The following DCC variants were observed in gnomAD, a reference collection of about 807,000 sequenced individuals.
The protein encoded by DCC is DCC netrin 1 receptor, also known as netrin receptor DCC.
Under a neutral mutation model 172.5 loss-of-function variants are expected in DCC, and 58 were observed. That is an observed-to-expected ratio of 0.34 (90% CI 0.27 to 0.42). The LOEUF (loss-of-function observed/expected upper bound fraction) is 0.42. Ranked by LOEUF, DCC falls within the 10% of genes least tolerant of loss-of-function variation. The pLI is 1.00. For synonymous variants in DCC, 709 were observed against 644.5 expected, an observed-to-expected ratio of 1.10 and a Z score of -1.52; for missense variants, 1,740 against 1,791.0, an observed-to-expected ratio of 0.97 and a Z score of 0.51.
At chr18:52,544,441 T>C (rs904844554) in intron 1 of DCC, among the ~76,000 whole-genome samples, 6 of 151,496 alleles carry the variant, frequency 4.0e-5, no homozygotes, top group African/African-American at 1.5e-4. Flanking sequence ...CTGTTTTTCT[T>C]TCTTTCTTTC....
At chr18:53,128,059 C>G (rs1598829304) in intron 7 of DCC, among the ~76,000 whole-genome samples, 1 of 151,942 alleles carries the variant, frequency 6.6e-6, no homozygotes, top group Non-Finnish European at 1.5e-5. Context: ...GGCAAAGTGA[C>G]TCCTTGAAAA....
intron 1 of DCC, among the ~76,000 whole-genome samples, chr18:52,550,882 A>G (rs2032751246): frequency 6.6e-6 from 1 of 151,876 alleles, no homozygotes; most frequent in African/African-American, 2.4e-5. Context: ...CTTTTCTGTA[A>G]ATCTAAAACA....
At chr18:52,387,460 C>A (rs1985845904) in intron 1 of DCC, among the ~76,000 whole-genome samples, 1 of 152,118 alleles carries the variant, frequency 6.6e-6, no homozygotes, top group African/African-American at 2.4e-5. Flanking sequence ...CAATCTCCTT[C>A]TGCAAGCCCT....
At chr18:53,426,809 C>T (rs377398678) in intron 21 of DCC, among the ~76,000 whole-genome samples, 27 of 152,022 alleles carry the variant, frequency 1.8e-4, no homozygotes, top group African/African-American at 4.8e-4. Context: ...GGATGAAGCA[C>T]GGATGGAGAC....
intron 8 of DCC, 133 bp downstream of exon 8, chr18:53,157,645 A>T (rs1048376477): frequency 1.1e-6 from 1 of 869,672 alleles, no homozygotes; most frequent in Non-Finnish European, 1.9e-6. Context: ...TCCTTCACTC[A>T]TTCCCCAGTG....
chr18:52,546,856 G>A (rs2032631573), intron 1 of DCC, among the ~76,000 whole-genome samples: 4 of 152,070 alleles, frequency 2.6e-5, no homozygotes, highest in South Asian at 4.1e-4. Flanking sequence ...CATGTAGCTT[G>A]GGGAAAGAAA....
At chr18:52,464,756 GTT>G (rs1180926333) in intron 1 of DCC, among the ~76,000 whole-genome samples, 1 of 147,984 alleles carries the variant, frequency 6.8e-6, no homozygotes. Context: ...TGTTTTGTTG[GTT>G]TTTTTTTTCT....
chr18:52,988,243 T>G (rs1029994891), intron 5 of DCC, among the ~76,000 whole-genome samples: 6 of 142,604 alleles, frequency 4.2e-5, no homozygotes, highest in Admixed American at 7.3e-5. Context: ...TAAGCATATT[T>G]TAAATTTCTG....
chr18:53,286,313 A>G (rs540608383), intron 12 of DCC, among the ~76,000 whole-genome samples: 1 of 152,088 alleles, frequency 6.6e-6, no homozygotes, highest in Non-Finnish European at 1.5e-5. Context: ...TCATGGGGGC[A>G]GGTCTTTCCT....
intron 23 of DCC, among the ~76,000 whole-genome samples, chr18:53,452,388 C>T (rs564023918): frequency 6.6e-5 from 10 of 152,074 alleles, no homozygotes; most frequent in Non-Finnish European, 1.0e-4. Flanking sequence ...GGTTCCCCCC[C>T]GCCCCGTGTC....
chr18:52,357,240 G>A (rs980251018), intron 1 of DCC, among the ~76,000 whole-genome samples: 1 of 152,134 alleles, frequency 6.6e-6, no homozygotes, highest in African/African-American at 2.4e-5. Flanking sequence ...AGAAACCAGA[G>A]CTCCTCAGGG....
intron 15 of DCC, among the ~76,000 whole-genome samples, chr18:53,382,126 A>C (rs960701224): frequency 8.0e-5 from 12 of 149,094 alleles, no homozygotes; most frequent in African/African-American, 2.5e-4. Flanking sequence ...TAAGCACTTG[A>C]GTGTGGAATT....
intron 12 of DCC, among the ~76,000 whole-genome samples, chr18:53,223,653 C>T (rs1279718021): frequency 6.6e-6 from 1 of 152,100 alleles, no homozygotes; most frequent in Non-Finnish European, 1.5e-5. Flanking sequence ...TTCAGCCCTA[C>T]CAGTAGGTAA....
chr18:53,086,173 CTCT>C lies in DCC; in HGVS notation c.1261+20018_1261+20020del, dbSNP rs1225428159. On this transcript the variant is annotated intron_variant, in intron 7 of 28. Coordinates refer to ENST00000442544, the MANE Select transcript of DCC (RefSeq NM_005215.4). The stretch of plus-strand genomic sequence containing the variant: ...CTCCTCTTCCTCTTCTCTTCCTCTT[CTCT>C]TCTTCTTCTTTTCTTCTTCTTCTTT... Among the ~76,000 whole-genome samples, 7 of 36,862 alleles carry C rather than the reference CTCT, an allele frequency of 1.9e-4. 2 individuals carry two copies. Among genetic ancestry groups the C allele is most frequent in the East Asian group, 4.2e-4 (1 of 2,358 alleles). The allele number at this position is 36,862 out of a possible 152,430, so 24.2% of individuals were successfully genotyped here. A position where few individuals can be genotyped will look rare whatever the true frequency, so the allele number is the denominator to read the frequency against.
chr18:53,343,966 T>A (rs958291962), intron 15 of DCC, among the ~76,000 whole-genome samples: 1 of 152,008 alleles, frequency 6.6e-6, no homozygotes, highest in African/African-American at 2.4e-5. Flanking sequence ...TTATCTATGG[T>A]TATTAACTGA....
rs1055458068 is a variant in DCC at position 53,494,143 on chromosome 18, G to C, written c.3899-5155G>C. 4.6e-5 allele frequency among the ~76,000 whole-genome samples: 7 copies of C among 152,302 alleles called. No individual in the cohort carries two copies. The East Asian group carries it at 1.3e-3, about 29-fold the overall frequency. ...TCCATGTAGTTGTGTGGTTTTGAGTGAGTTTCATAATCTTGAGTTCTAATT... is the reference window on the plus strand; with the variant it reads ...TCCATGTAGTTGTGTGGTTTTGAGTCAGTTTCATAATCTTGAGTTCTAATT... On this transcript the variant is annotated intron_variant, in intron 26 of 28. Transcript: ENST00000442544.
intron 12 of DCC, among the ~76,000 whole-genome samples, chr18:53,289,852 G>A (rs1354096373): frequency 6.6e-6 from 1 of 151,996 alleles, no homozygotes; most frequent in Admixed American, 6.6e-5. Flanking sequence ...CTGGGATAAA[G>A]GAAAGAAATT....
chr18:53,217,658 A>G lies in DCC; in HGVS notation c.1911+2061A>G, dbSNP rs1335315509. 2.0e-5 allele frequency among the ~76,000 whole-genome samples: 3 copies of G among 152,294 alleles called. No homozygotes were observed. The East Asian group carries it at 5.8e-4, about 29-fold the overall frequency. ...GCATTCTCAGTGTATTGATTCAGAC[A>G]AAGGCAAATGTAATATTCTATTTTG... On this transcript the variant is annotated intron_variant, in intron 12 of 28. Coordinates refer to ENST00000442544, the MANE Select transcript of DCC (RefSeq NM_005215.4).
At chr18:52,941,931 T>C (rs1598953522) in intron 5 of DCC, among the ~76,000 whole-genome samples, 1 of 152,044 alleles carries the variant, frequency 6.6e-6, no homozygotes, top group Non-Finnish European at 1.5e-5. Flanking sequence ...TACAGGCACC[T>C]GCCACCATGC....
Sources: allele counts gnomAD v4.1 joint callset (sites outside exome capture counted in the v4.1 genomes callset), GRCh38; gene constraint gnomAD v4.1.1; transcripts MANE v1.5; gene names NCBI Gene and HGNC (gene_info 2026-07-23, HGNC 2026-07-21).